The following GM2A variants were observed in gnomAD, a reference collection of about 807,000 sequenced individuals.
GM2A encodes GM2 ganglioside activator.
Under a neutral mutation model 12.9 loss-of-function variants are expected in GM2A, and 7 were observed. That is an observed-to-expected ratio of 0.54 (90% confidence interval 0.31 to 1.02). The LOEUF (loss-of-function observed/expected upper bound fraction) is 1.02, where lower values mean the gene tolerates loss of function less well. Ranked by LOEUF, GM2A falls within the 50% of genes least tolerant of loss-of-function variation. The pLI, the probability that GM2A is intolerant of heterozygous loss-of-function variation, is 0.05. For synonymous variants in GM2A, 101 were observed against 96.0 expected, an observed-to-expected ratio of 1.05 and a Z score of -0.30; for missense variants, 246 against 241.0, an observed-to-expected ratio of 1.02 and a Z score of -0.14.
Position 151,253,195 on chromosome 5 carries a change from C to A in GM2A, c.-22C>A, listed in dbSNP as rs755584488. 1 of 1,599,332 alleles carries A rather than the reference C, an allele frequency of 6.3e-7. No individual in the cohort carries two copies. The highest frequency in any genetic ancestry group is 8.6e-7 in the Non-Finnish European group (1 of 1,166,460). ...GCCGCCACAGACCTTGCAGTTAACT[C>A]CGCCCTGACCCACCCTTCCCGATGC... is the stretch of plus-strand genomic sequence containing the variant. On this transcript the variant is annotated 5_prime_UTR_variant, in exon 1 of 4. Coordinates refer to ENST00000357164, the MANE Select transcript of GM2A (RefSeq NM_000405.5).
intron 2 of GM2A, among the ~76,000 whole-genome samples, chr5:151,261,019 T>C (rs1753789661): frequency 6.6e-6 from 1 of 152,240 alleles, no homozygotes; most frequent in Non-Finnish European, 1.5e-5. Context: ...CATTATTTTA[T>C]TATTTTAATG....
rs769169088 is a variant in GM2A at position 151,266,876 on chromosome 5, G to A, written c.389G>A (p.Arg130His). ...GGGGAGCCCTGCCCAGAGCCCCTGC[G>A]TACCTATGGGCTTCCTTGCCACTGT... The part of the protein sequence containing the change: ...PTGEPCPEPL[R>H]TYGLPCHCPF... The change falls in exon 3 of 4, where the codon CGT becomes CAT. Residue 130 changes from arginine to histidine, a missense_variant. Coordinates refer to ENST00000357164, the MANE Select transcript of GM2A (RefSeq NM_000405.5). The A allele has an allele frequency of 2.1e-5, 34 of 1,613,960 alleles. No individual in the cohort carries two copies. The highest frequency in any genetic ancestry group is 8.9e-5 in the East Asian group (4 of 44,876).
At position 151,269,714 on chromosome 5, in the gene GM2A, G is replaced by A. The variant is rs755517801; in HGVS notation, c.*2263G>A. 6.8e-5 allele frequency: 11 copies of A among 160,728 alleles called. No individual in the cohort carries two copies. Among genetic ancestry groups the A allele is most frequent in the Admixed American group, 2.6e-4 (4 of 15,320 alleles). 10.0% of individuals were successfully genotyped at this position (160,728 alleles called of 1,614,324 possible). ...GTAACTAAAATTTCTGTACATCTCC[G>A]GAATGCCATGCTGAAACTCACTGCA... On this transcript the variant is annotated 3_prime_UTR_variant, in exon 4 of 4. Transcript: ENST00000357164.
In GM2A at chr5:151,259,778, C is replaced by G; in HGVS notation, c.105C>G (p.Ser35=). Residue 35 remains serine (S), a synonymous_variant, in exon 2 of 4, where the codon TCC becomes TCG. Transcript: ENST00000357164. Reference sequence around the variant, plus strand: ...AGCCATCCCAGCTCAGTAGCTTTTCCTGGGATAACTGTGATGAAGGGAAGG... The same window carrying G: ...AGCCATCCCAGCTCAGTAGCTTTTCGTGGGATAACTGTGATGAAGGGAAGG... The part of the protein sequence containing the change: ...LKKPSQLSSF[S]WDNCDEGKDP... The G allele has an allele frequency of 1.2e-6, 2 of 1,614,048 alleles. No individual in the cohort carries two copies. The highest frequency in any genetic ancestry group is 1.7e-6 in the Non-Finnish European group (2 of 1,179,918).
In GM2A at chr5:151,267,856, A is replaced by G; in HGVS notation, c.*405A>G. The G allele has an allele frequency of 8.6e-7, 1 of 1,167,160 alleles. No individual in the cohort carries two copies. Among genetic ancestry groups the G allele is most frequent in the Non-Finnish European group, 1.1e-6 (1 of 932,384 alleles). The allele number at this position is 1,167,160 out of a possible 1,614,324, so 72.3% of individuals were successfully genotyped here. A position where few individuals can be genotyped will look rare whatever the true frequency, so the allele number is the denominator to read the frequency against. ...ACTAAGTTAAAAGCGAAGTGAGAGTATTAACGTTTTTGTTCTCCTCCGGCC... is the reference window on the plus strand; with the variant it reads ...ACTAAGTTAAAAGCGAAGTGAGAGTGTTAACGTTTTTGTTCTCCTCCGGCC... On this transcript the variant is annotated 3_prime_UTR_variant, in exon 4 of 4. Transcript: ENST00000357164.
chr5:151,266,944 C>G, intron 3 of GM2A, 31 bp downstream of exon 3: 1 of 1,549,096 alleles, frequency 6.5e-7, no homozygotes, highest in Non-Finnish European at 8.9e-7. Context: ...GAGCGTTACC[C>G]CTGTGGCTAA....
intron 2 of GM2A, 141 bp downstream of exon 2, chr5:151,260,057 A>G: frequency 3.3e-6 from 2 of 615,190 alleles, no homozygotes; most frequent in Non-Finnish European, 2.8e-6. Context: ...AGATTCAGAC[A>G]CTCTTTCACA....
At chr5:151,253,693 G>T (rs73796648) in intron 1 of GM2A, among the ~76,000 whole-genome samples, 1,675 of 151,750 alleles carry the variant, frequency 0.011, 26 homozygotes, top group African/African-American at 0.037. Context: ...CTGCTCGAAT[G>T]CCCTGAGGTC....
chr5:151,267,446 A>G lies in GM2A; in HGVS notation c.577A>G (p.Ile193Val), dbSNP rs935488725. The change falls in exon 4 of 4, where the codon ATA (isoleucine) becomes GTA (valine). Residue 193 changes from isoleucine to valine, a missense_variant. Physicochemically the swap from Ile to Val is conservative, Grantham distance 29. Transcript: ENST00000357164. ...CAAGATCGCTGCCTCTCTAAAGGGC[A>G]TATAACATGGCATCTGCCACAGCAG... ...CIKIAASLKG[I>V] 2.5e-6 allele frequency: 4 copies of G among 1,614,048 alleles called. No homozygotes were observed. Among genetic ancestry groups the G allele is most frequent in the South Asian group, 1.1e-5 (1 of 91,088 alleles).
Position 151,268,833 on chromosome 5 carries a change from C to T in GM2A, c.*1382C>T, listed in dbSNP as rs1244025740. The T allele has an allele frequency of 6.1e-6, 6 of 983,962 alleles. No individual in the cohort carries two copies. The highest frequency in any genetic ancestry group is 4.7e-5 in the South Asian group (1 of 21,268). The allele number at this position is 983,962 out of a possible 1,614,324, so 61.0% of individuals were successfully genotyped here. On this transcript the variant is annotated 3_prime_UTR_variant, in exon 4 of 4. Coordinates refer to ENST00000357164, the MANE Select transcript of GM2A (RefSeq NM_000405.5). ...AAACGGACTGGCTCATGGGTGGCCA[C>T]GTCACAACCTCTGATCTCAGACCGT...
At chr5:151,266,587 G>C in intron 2 of GM2A, 144 bp from the exon 3 acceptor site, 1 of 690,246 alleles carries the variant, frequency 1.4e-6, no homozygotes, top group Non-Finnish European at 2.6e-6. Context: ...TCCTAGAACA[G>C]ACTATCTCTA....
chr5:151,264,538 A>C (rs114154431), intron 2 of GM2A, among the ~76,000 whole-genome samples: 1,557 of 152,360 alleles, frequency 0.01, 15 homozygotes, highest in Middle Eastern at 0.027. Context: ...TATTGGCGAC[A>C]CAAGGAGAGA....
At chr5:151,256,042 TG>T (rs1753678758) in intron 1 of GM2A, among the ~76,000 whole-genome samples, 1 of 151,810 alleles carries the variant, frequency 6.6e-6, no homozygotes, top group African/African-American at 2.4e-5. Flanking sequence ...CAGATAAAGA[TG>T]GGGGTGGGGG....
At position 151,266,871 on chromosome 5, in the gene GM2A, C is replaced by G. The variant is rs772651186; in HGVS notation, c.384C>G (p.Pro128=). The G allele has an allele frequency of 1.9e-6, 3 of 1,613,908 alleles. No homozygotes were observed. Among genetic ancestry groups the G allele is most frequent in the Non-Finnish European group, 2.5e-6 (3 of 1,179,870 alleles). The part of the protein sequence containing the change: ...LIPTGEPCPE[P]LRTYGLPCHC... ...CTACTGGGGAGCCCTGCCCAGAGCC[C>G]CTGCGTACCTATGGGCTTCCTTGCC... is the stretch of plus-strand genomic sequence containing the variant. Residue 128 remains proline (P), a synonymous_variant, in exon 3 of 4, where the codon CCC becomes CCG. Coordinates refer to ENST00000357164, the MANE Select transcript of GM2A (RefSeq NM_000405.5).
chr5:151,266,946 T>C, intron 3 of GM2A, 33 bp downstream of exon 3: 4 of 1,534,708 alleles, frequency 2.6e-6, no homozygotes, highest in Non-Finnish European at 2.7e-6. Flanking sequence ...GCGTTACCCC[T>C]GTGGCTAAAG....
chr5:151,257,353 G>A (rs1248994704), intron 1 of GM2A, among the ~76,000 whole-genome samples: 2 of 151,978 alleles, frequency 1.3e-5, no homozygotes, highest in Non-Finnish European at 2.9e-5. Context: ...AGGGCCTGGG[G>A]AAAGAAGAGC....
At chr5:151,261,242 C>G (rs1753793461) in intron 2 of GM2A, among the ~76,000 whole-genome samples, 1 of 152,140 alleles carries the variant, frequency 6.6e-6, no homozygotes, top group African/African-American at 2.4e-5. Context: ...CCAGGCTGGT[C>G]TCAAACTCCT....
intron 1 of GM2A, among the ~76,000 whole-genome samples, chr5:151,258,966 T>A (rs910698744): frequency 1.3e-5 from 2 of 152,102 alleles, no homozygotes; most frequent in African/African-American, 4.8e-5. Flanking sequence ...AGACAGGGTC[T>A]GTTGGAGTGC....
rs776214439 is a variant in GM2A, at chr5:151,259,877, C to T, written c.204C>T (p.Val68=). 1.2e-6 allele frequency: 2 copies of T among 1,613,612 alleles called. No individual in the cohort carries two copies. Among genetic ancestry groups the T allele is most frequent in the Non-Finnish European group, 1.7e-6 (2 of 1,179,742 alleles). The part of the protein sequence containing the change: ...IIVPGNVTLS[V]MGSTSVPLSS... ...TTCCTGGAAATGTGACCCTCAGTGT[C>T]ATGGGCAGCACCAGTGTCCCCCTGA... Residue 68 remains valine (V), a synonymous_variant, in exon 2 of 4, where the codon GTC becomes GTT. Coordinates refer to ENST00000357164, the MANE Select transcript of GM2A (RefSeq NM_000405.5).
Sources: allele counts gnomAD v4.1 joint callset (sites outside exome capture counted in the v4.1 genomes callset), GRCh38; gene constraint gnomAD v4.1.1; transcripts MANE v1.5; gene names NCBI Gene and HGNC (gene_info 2026-07-23, HGNC 2026-07-21).